Variants in CR1 observed in about 807,000 individuals in gnomAD.
The protein encoded by CR1 is complement C3b/C4b receptor 1 (Knops blood group).
A neutral mutation model predicts 187.3 loss-of-function variants in CR1; 116 were observed. The observed-to-expected ratio is 0.62, with a 90% CI of 0.53 to 0.72. CR1 has a LOEUF of 0.72. CR1 is among the 30% of genes least tolerant of loss of function. The pLI, the probability that CR1 is intolerant of heterozygous loss-of-function variation, is 0.00. For missense variants in CR1, 1,731 were observed against 2,110.7 expected (o/e 0.82, Z 3.52); for synonymous variants, 576 against 747.1 (o/e 0.77, Z 3.73).
Position 207,588,662 on chromosome 1 carries a change from C to T in CR1, c.5711-13C>T, listed in dbSNP as rs1186772939. On this transcript the variant is annotated splice_polypyrimidine_tract_variant and intron_variant, in intron 34 of 46. Transcript: ENST00000367049. ...ACTCTATATTTAATCCCAAATTCTG[C>T]TTCTTCCCCTAGGAAAATCATGTGG... is the stretch of plus-strand genomic sequence containing the variant. 2 of 1,588,166 alleles carry T rather than the reference C, an allele frequency of 1.3e-6. No homozygotes were observed. The highest frequency in any genetic ancestry group is 1.3e-5 in the African/African-American group (1 of 74,374).
At chr1:207,508,185 T>G (rs532276062) in intron 3 of CR1, among the ~76,000 whole-genome samples, 1 of 152,234 alleles carries the variant, frequency 6.6e-6, no homozygotes, top group South Asian at 2.1e-4. Context: ...TTGAGGGTAG[T>G]GAAACTACTC....
chr1:207,575,617 T>G lies in CR1; in HGVS notation c.4474T>G (p.Ser1492Ala), dbSNP rs763763079. 2 of 1,611,732 alleles carry G rather than the reference T, an allele frequency of 1.2e-6. No homozygotes were observed. Among genetic ancestry groups the G allele is most frequent in the African/African-American group, 2.7e-5 (2 of 74,864 alleles). Residue 1492 changes from serine (S) to alanine (A), a missense_variant, in exon 28 of 47, where the codon TCT becomes GCT. Physicochemically the swap from Ser to Ala is moderately conservative, Grantham distance 99. Transcript: ENST00000367049. ...TAGGCACCGACTCATTGGTCACTCA[T>G]CTGCTGAATGTATCCTCTCAGGCAA... ...TTGHRLIGHS[S>A]AECILSGNTA...
chr1:207,614,248 C>T (rs951076588), intron 39 of CR1, among the ~76,000 whole-genome samples, 156 bp from the exon 40 acceptor site: 1 of 152,084 alleles, frequency 6.6e-6, no homozygotes, highest in African/African-American at 2.4e-5. Flanking sequence ...AATTCAGATC[C>T]CTAATGAACT....
chr1:207,501,369 C>T (rs1659262724), intron 1 of CR1, among the ~76,000 whole-genome samples: 1 of 152,176 alleles, frequency 6.6e-6, no homozygotes, highest in African/African-American at 2.4e-5. Context: ...TCGAATTGTA[C>T]ACTTCAAATA....
intron 4 of CR1, among the ~76,000 whole-genome samples, chr1:207,513,762 C>CCCTTCTTT (rs1659698812): frequency 1.0e-5 from 1 of 99,138 alleles, no homozygotes; most frequent in Non-Finnish European, 2.0e-5. Flanking sequence ...CTCCCTCCCT[C>CCCTTCTTT]CCTTCCTTCC....
At chr1:207,584,252 G>A (rs1028542497) in intron 32 of CR1, among the ~76,000 whole-genome samples, 8 of 152,118 alleles carry the variant, frequency 5.3e-5, no homozygotes, top group African/African-American at 1.2e-4. Context: ...TGATGTCAAA[G>A]ATCATATTTA....
chr1:207,499,890 G>T (rs2102329668), intron 1 of CR1, among the ~76,000 whole-genome samples: 1 of 152,260 alleles, frequency 6.6e-6, no homozygotes, highest in South Asian at 2.1e-4. Context: ...CATCAAAAGT[G>T]TCCTACACAG....
intron 34 of CR1, 34 bp from the exon 35 acceptor site, chr1:207,588,641 T>A: frequency 6.9e-7 from 1 of 1,447,008 alleles, no homozygotes; most frequent in Non-Finnish European, 9.7e-7. Flanking sequence ...AGTTGAACTC[T>A]ATATTTAATC....
intron 35 of CR1, among the ~76,000 whole-genome samples, chr1:207,599,936 A>T (rs1370507492): frequency 1.3e-5 from 2 of 152,224 alleles, no homozygotes; most frequent in African/African-American, 4.8e-5. Flanking sequence ...TAAGCATATA[A>T]CTAAGGAGTA....
At chr1:207,525,088 A>T (rs1660127078) in intron 5 of CR1, among the ~76,000 whole-genome samples, 1 of 151,948 alleles carries the variant, frequency 6.6e-6, no homozygotes, top group Non-Finnish European at 1.5e-5. Flanking sequence ...CAGAGGTGCT[A>T]CACACTTTGG....
chr1:207,580,701 T>TAGG, intron 31 of CR1, 88 bp downstream of exon 31: 1 of 1,216,844 alleles, frequency 8.2e-7, no homozygotes, highest in Non-Finnish European at 1.2e-6. Flanking sequence ...AGGGCTGACC[T>TAGG]AGGAGAAGAA....
chr1:207,637,966 A>T (rs1662867957), intron 46 of CR1, among the ~76,000 whole-genome samples: 1 of 152,084 alleles, frequency 6.6e-6, no homozygotes, highest in Admixed American at 6.5e-5. Context: ...CCACCAAATC[A>T]GTTTTCCTTC....
chr1:207,615,208 A>G (rs1662057408), intron 40 of CR1, among the ~76,000 whole-genome samples: 1 of 152,202 alleles, frequency 6.6e-6, no homozygotes. Context: ...CCCATGTGCC[A>G]GGACTTTCCA....
chr1:207,639,666 G>A lies in CR1; in HGVS notation c.*257G>A. On this transcript the variant is annotated 3_prime_UTR_variant, in exon 47 of 47. Coordinates refer to ENST00000367049, the MANE Select transcript of CR1 (RefSeq NM_000651.6). ...CAGTATCTAGTCAGGGGAAAAGACT[G>A]CATTTAGGAGATAGAAAATAGTTTG... 5.3e-6 allele frequency: 2 copies of A among 378,264 alleles called. No individual in the cohort carries two copies. Among genetic ancestry groups the A allele is most frequent in the Non-Finnish European group, 9.5e-6 (2 of 210,540 alleles). 23.4% of individuals were successfully genotyped at this position (378,264 alleles called of 1,614,324 possible).
chr1:207,496,528 G>A, intron 1 of CR1, 140 bp downstream of exon 1: 1 of 826,700 alleles, frequency 1.2e-6, no homozygotes, highest in Middle Eastern at 3.8e-4. Flanking sequence ...CTGAGCGCGC[G>A]ACCCGGCAGG....
intron 1 of CR1, 135 bp downstream of exon 1, chr1:207,496,523 C>G (rs1484472385): frequency 2.2e-5 from 19 of 865,760 alleles, no homozygotes; most frequent in Non-Finnish European, 8.3e-6. Flanking sequence ...GTGGGCTGAG[C>G]GCGCGACCCG....
chr1:207,609,212 C>A, intron 36 of CR1, 78 bp from the exon 37 acceptor site: 1 of 1,258,018 alleles, frequency 7.9e-7, no homozygotes, highest in Non-Finnish European at 1.1e-6. Context: ...GGATTATTTG[C>A]ATTTGGTATT....
rs1270011121 is a variant in CR1 at position 207,609,539 on chromosome 1, C to G, written c.6146C>G (p.Ala2049Gly). 1 of 1,613,892 alleles carries G rather than the reference C, an allele frequency of 6.2e-7. No homozygotes were observed. The highest frequency in any genetic ancestry group is 8.5e-7 in the Non-Finnish European group (1 of 1,179,838). ...TGCACAGCTCCAGAAGTTGAAAATG[C>G]AATTAGAGTACCAGGAAACAGGAGT... ...NKCTAPEVEN[A>G]IRVPGNRSFF... The change falls in exon 37 of 47, where the codon GCA (alanine) becomes GGA (glycine). Residue 2049 changes from alanine to glycine, a missense_variant. By Grantham distance (60) the Ala-to-Gly change is moderately conservative. This residue lies in a region of CR1 where 1,312 missense variants were observed against 1,379.6 expected (regional missense o/e 0.95). Transcript: ENST00000367049.
At chr1:207,625,518 G>A (rs1662453371) in intron 45 of CR1, among the ~76,000 whole-genome samples, 1 of 152,232 alleles carries the variant, frequency 6.6e-6, no homozygotes, top group African/African-American at 2.4e-5. Context: ...CTTCCTGCCT[G>A]TCATACAGAC....
Sources: allele counts gnomAD v4.1 joint callset (sites outside exome capture counted in the v4.1 genomes callset), GRCh38; gene constraint gnomAD v4.1.1; regional missense constraint gnomAD v4.1.1; transcripts MANE v1.5; gene names NCBI Gene and HGNC (gene_info 2026-07-23, HGNC 2026-07-21).